HYDIN: variants seen among roughly 807,000 people sequenced by gnomAD.
HYDIN encodes HYDIN axonemal central pair apparatus protein, also known as axonemal central pair apparatus protein HYDIN.
In HYDIN, 132 loss-of-function variants were observed where a neutral mutation model predicts 403.9. The observed-to-expected ratio is 0.33, with a 90% CI of 0.28 to 0.38. The LOEUF is 0.38. Among genes scored for constraint, HYDIN ranks in the 10% least tolerant of loss-of-function variants. HYDIN has a pLI of 1.00. For synonymous variants in HYDIN, 1,202 were observed against 1,891.7 expected (o/e 0.64, Z 9.46); for missense variants, 2,827 against 5,009.5 (o/e 0.56, Z 13.15).
chr16:71,189,134 T>A (rs1034139360), intron 1 of HYDIN, among the ~76,000 whole-genome samples: 2 of 152,222 alleles, frequency 1.3e-5, no homozygotes, highest in African/African-American at 4.8e-5. Context: ...TACATATGCA[T>A]GTACATCTGA....
chr16:71,185,528 T>G (rs1193101902), intron 2 of HYDIN, among the ~76,000 whole-genome samples: 1 of 152,156 alleles, frequency 6.6e-6, no homozygotes, highest in Non-Finnish European at 1.5e-5. Context: ...AGTTTGAACT[T>G]TAGAGACATC....
chr16:70,986,310 T>C (rs1402684552), intron 27 of HYDIN, among the ~76,000 whole-genome samples: 1 of 150,586 alleles, frequency 6.6e-6, no homozygotes, highest in African/African-American at 2.4e-5. Context: ...GCAGGCCCAA[T>C]AACCACAAAC....
intron 1 of HYDIN, among the ~76,000 whole-genome samples, chr16:71,211,533 TG>T (rs1360687598): frequency 6.7e-6 from 1 of 150,046 alleles, no homozygotes; most frequent in Non-Finnish European, 1.5e-5. Context: ...TCCCAGCTAC[TG>T]GGGAGGCTGA....
chr16:71,195,688 T>G (rs757507861), intron 1 of HYDIN, among the ~76,000 whole-genome samples: 7 of 152,242 alleles, frequency 4.6e-5, no homozygotes, highest in Non-Finnish European at 1.0e-4. Context: ...GCCTCTGCTC[T>G]CTTCCCCTTG....
intron 5 of HYDIN, among the ~76,000 whole-genome samples, 195 bp downstream of exon 5, chr16:71,175,409 TACC>T (rs1319488610): frequency 6.6e-6 from 1 of 150,608 alleles, no homozygotes; most frequent in Non-Finnish European, 1.5e-5. Flanking sequence ...ACACCAACAC[TACC>T]ACCACTACCC....
intron 1 of HYDIN, chr16:71,203,992 G>A (rs1447494776): frequency 3.2e-6 from 1 of 317,088 alleles, no homozygotes; most frequent in African/African-American, 2.2e-5. Context: ...TTGAGCCTGA[G>A]AAGCAGAGGT....
intron 47 of HYDIN, among the ~76,000 whole-genome samples, chr16:70,917,042 C>A (rs557742620): frequency 6.6e-6 from 1 of 152,218 alleles, no homozygotes; most frequent in South Asian, 2.1e-4. Context: ...CCCACCTCAG[C>A]CTCCTGAGTA....
chr16:70,906,357 A>C (rs535605334), intron 50 of HYDIN, among the ~76,000 whole-genome samples: 1 of 151,928 alleles, frequency 6.6e-6, no homozygotes, highest in South Asian at 2.1e-4. Flanking sequence ...ATCATTTGTC[A>C]AGGAGAAAAA....
At chr16:70,836,855 C>G (rs946141359) in intron 77 of HYDIN, among the ~76,000 whole-genome samples, 3 of 152,116 alleles carry the variant, frequency 2.0e-5, no homozygotes, top group Non-Finnish European at 4.4e-5. Flanking sequence ...GCTAAATGAA[C>G]AAGTGAAAGA....
At chr16:70,840,749 C>A (rs557195273) in intron 75 of HYDIN, among the ~76,000 whole-genome samples, 12 of 152,028 alleles carry the variant, frequency 7.9e-5, no homozygotes, top group South Asian at 2.1e-4. Context: ...CTCTGGAATG[C>A]AGACATAGGA....
In HYDIN at chr16:71,041,153, C is replaced by T. The variant is rs371435994; in HGVS notation, c.2530-9236G>A. 2.5e-4 allele frequency among the ~76,000 whole-genome samples: 37 copies of T among 146,832 alleles called. 1 individual carries two copies. Among genetic ancestry groups the T allele is most frequent in the African/African-American group, 8.8e-4 (35 of 39,700 alleles). The stretch of plus-strand genomic sequence containing the variant: ...AATATATGGAAGGTGTCCAGCCTCA[C>T]CAGTAAGCCAAATAAACACAAACTT... On this transcript the variant is annotated intron_variant, in intron 18 of 85. Transcript: ENST00000393567.
intron 4 of HYDIN, among the ~76,000 whole-genome samples, chr16:71,178,434 A>AT (rs56194693): frequency 0.22 from 20,277 of 93,762 alleles, 2,215 homozygotes; most frequent in Non-Finnish European, 0.29. Flanking sequence ...AAAAAAAAAA[A>AT]ATATATATAT....
chr16:71,176,396 C>T (rs1567411307), intron 4 of HYDIN, among the ~76,000 whole-genome samples: 2 of 151,898 alleles, frequency 1.3e-5, no homozygotes, highest in African/African-American at 2.4e-5. Context: ...GATTTCCCAA[C>T]ATTTGAGCAT....
intron 4 of HYDIN, among the ~76,000 whole-genome samples, chr16:71,178,431 AAAAAT>A (rs67772173): frequency 0.25 from 31,234 of 126,200 alleles, 3,502 homozygotes; most frequent in East Asian, 0.3. Flanking sequence ...AAAAAAAAAA[AAAAAT>A]ATATATATAT....
At chr16:71,135,780 A>G (rs1212652929) in intron 8 of HYDIN, among the ~76,000 whole-genome samples, 2 of 149,404 alleles carry the variant, frequency 1.3e-5, no homozygotes, top group African/African-American at 2.5e-5. Flanking sequence ...GATTTTAGGC[A>G]TAAGTGGTTT....
intron 9 of HYDIN, among the ~76,000 whole-genome samples, chr16:71,118,248 T>C (rs1280552301): frequency 7.3e-5 from 11 of 151,568 alleles, no homozygotes; most frequent in South Asian, 2.1e-4. Context: ...AGTCACTCAA[T>C]GTACATTTTA....
intron 18 of HYDIN, among the ~76,000 whole-genome samples, chr16:71,039,257 G>C (rs1393053051): frequency 1.3e-5 from 2 of 152,122 alleles, no homozygotes; most frequent in African/African-American, 4.8e-5. Flanking sequence ...TAAGCATCTA[G>C]CACCTCGTCT....
intron 75 of HYDIN, among the ~76,000 whole-genome samples, chr16:70,848,509 G>C (rs2038378870): frequency 6.9e-6 from 1 of 145,690 alleles, no homozygotes; most frequent in Non-Finnish European, 1.5e-5. Flanking sequence ...CTCTTAGTTT[G>C]TTTAGTAACT....
Position 70,955,258 on chromosome 16 carries a change from A to G in HYDIN, c.6316+117T>C. ...GGCTATGAAGTTGGCAGCATGCTGTAGGGCAGACTTCAACCAGGCTGTGGG... is the reference window on the plus strand; with the variant it reads ...GGCTATGAAGTTGGCAGCATGCTGTGGGGCAGACTTCAACCAGGCTGTGGG... On this transcript the variant is annotated intron_variant, in intron 40 of 85. Coordinates refer to ENST00000393567, the MANE Select transcript of HYDIN (RefSeq NM_001270974.2). 5 of 581,224 alleles carry G rather than the reference A, an allele frequency of 8.6e-6. No homozygotes were observed. The South Asian group carries it at 1.1e-4, about 13-fold the overall frequency. The allele number at this position is 581,224 out of a possible 1,614,324, so 36.0% of individuals were successfully genotyped here. A position where few individuals can be genotyped will look rare whatever the true frequency, so the allele number is the denominator to read the frequency against.
Sources: gnomAD v4.1 joint callset for allele counts (sites outside exome capture counted in the v4.1 genomes callset) on GRCh38, gnomAD v4.1.1 for gene constraint, MANE v1.5 for transcripts, NCBI Gene and HGNC (gene_info 2026-07-23, HGNC 2026-07-21) for gene names.